The following DUSP18 variants were observed in gnomAD, a reference collection of about 807,000 sequenced individuals.
DUSP18 encodes the protein dual specificity protein phosphatase 18.
DUSP18 carries 4 observed loss-of-function variants against 6.3 expected under a neutral mutation model. The observed-to-expected ratio is 0.63, with a 90% confidence interval of 0.31 to 1.45. The LOEUF (loss-of-function observed/expected upper bound fraction) is 1.45. Ranked by LOEUF, DUSP18 falls within the 40% of genes most tolerant of loss-of-function variation. The pLI is 0.07. For missense variants in DUSP18, 235 were observed against 247.7 expected, an observed-to-expected ratio of 0.95 and a Z score of 0.34; for synonymous variants, 96 against 95.1, an observed-to-expected ratio of 1.01 and a Z score of -0.05.
At position 30,663,602 on chromosome 22, in the gene DUSP18, GGTCCACGT is replaced by G; in HGVS notation, c.394_401del (p.Thr132GlnfsTer21). On this transcript the variant is annotated frameshift_variant, in exon 2 of 2. Transcript: ENST00000334679. LOFTEE classifies it high-confidence loss of function. ...GTCGGATGATGGGCCGGCATGACTT[GGTCCACGT>G]GTGGGCGTCCAGCAGGGACATGGCG... 1.9e-6 allele frequency: 3 copies of G among 1,614,230 alleles called. No individual in the cohort carries two copies. Among genetic ancestry groups the G allele is most frequent in the Non-Finnish European group, 2.5e-6 (3 of 1,180,056 alleles).
At chr22:30,653,570 A>G (rs2088269581) in intron 2 of DUSP18, among the ~76,000 whole-genome samples, 1 of 151,802 alleles carries the variant, frequency 6.6e-6, no homozygotes, top group Non-Finnish European at 1.5e-5. Context: ...ACTGGGTTTC[A>G]CCATGTTGGC....
chr22:30,667,259 C>CT (rs1444766696), intron 1 of DUSP18: 1 of 152,200 alleles, frequency 6.6e-6, no homozygotes, highest in Non-Finnish European at 1.5e-5. Context: ...AGAAGCCGAC[C>CT]TTTATGGTCC....
chr22:30,663,438 C>G lies in DUSP18; in HGVS notation c.566G>C (p.Ter189SerextTer17), dbSNP rs749801940. The G allele has an allele frequency of 5.0e-6, 8 of 1,606,092 alleles. No individual in the cohort carries two copies. The highest frequency in any genetic ancestry group is 6.8e-6 in the Non-Finnish European group (8 of 1,173,812). ...CAATGCAGGGGCTCGTGGGATGGCT[C>G]ACAGTGGAATCATCAAACGGACTTC... ...EKEVRLMIPL* is the reference protein window; with the variant it reads ...EKEVRLMIPLS Residue 189 changes from the stop codon to serine (S), a stop_lost, in exon 2 of 2, where the codon TGA (stop) becomes TCA (serine). Transcript: ENST00000334679.
chr22:30,667,147 A>G (rs958082213), intron 1 of DUSP18: 3 of 152,218 alleles, frequency 2.0e-5, no homozygotes, highest in African/African-American at 7.2e-5. Flanking sequence ...CTTCAAAGCA[A>G]CCTAATCAGA....
At position 30,663,835 on chromosome 22, in the gene DUSP18, C is replaced by T. The variant is rs763220176; in HGVS notation, c.169G>A (p.Val57Met). Reference sequence around the variant, plus strand: ...TGGATATCCTCATACAAGGTGTTCACTACCTCCACTGAGACATTGATGACC... The same window carrying T: ...TGGATATCCTCATACAAGGTGTTCATTACCTCCACTGAGACATTGATGACC... ...TMVINVSVEVVNTLYEDIQYM... is the reference protein window; with the variant it reads ...TMVINVSVEVMNTLYEDIQYM... Residue 57 changes from valine (V) to methionine (M), a missense_variant, in exon 2 of 2, where the codon GTG (valine) becomes ATG (methionine). Val to Met is a conservative substitution (Grantham distance 21). Transcript: ENST00000334679. 6.2e-7 allele frequency: 1 copy of T among 1,614,232 alleles called. No homozygotes were observed. The highest frequency in any genetic ancestry group is 8.5e-7 in the Non-Finnish European group (1 of 1,180,048).
intron 1 of DUSP18, 57 bp from the exon 2 acceptor site, chr22:30,664,137 G>A: frequency 1.3e-6 from 1 of 778,702 alleles, no homozygotes; most frequent in African/African-American, 1.7e-5. Context: ...AATTCCAGGG[G>A]ATCCCTGGGA....
Position 30,664,380 on chromosome 22 carries a change from C to T in DUSP18, c.-77-300G>A, listed in dbSNP as rs75949578. On this transcript the variant is annotated intron_variant, in intron 1 of 1. Transcript: ENST00000334679. Reference sequence around the variant, plus strand: ...CCCAAGTCTGGCACTTGAGGCCTCCCTTGAGGGGTCCCACAGCTCTAGTTG... The same window carrying T: ...CCCAAGTCTGGCACTTGAGGCCTCCTTTGAGGGGTCCCACAGCTCTAGTTG... Among the ~76,000 whole-genome samples the T allele has an allele frequency of 4.0e-3, 606 of 152,324 alleles. 4 individuals carry two copies. The highest frequency in any genetic ancestry group is 0.014 in the African/African-American group (586 of 41,574).
chr22:30,658,402 G>A (rs2088390180), downstream of DUSP18, among the ~76,000 whole-genome samples: 1 of 151,442 alleles, frequency 6.6e-6, no homozygotes, highest in Admixed American at 6.6e-5. Context: ...TTTTTTTGGG[G>A]GTAGCAGCAG....
chr22:30,657,622 A>T (rs1157402411), downstream of DUSP18, among the ~76,000 whole-genome samples: 1 of 151,630 alleles, frequency 6.6e-6, no homozygotes, highest in Non-Finnish European at 1.5e-5. Context: ...TTTAAAAAAT[A>T]GGCCAGGCGC....
At chr22:30,659,185 A>G (rs988879089), downstream of DUSP18, among the ~76,000 whole-genome samples, 1 of 151,720 alleles carries the variant, frequency 6.6e-6, no homozygotes, top group African/African-American at 2.4e-5. Flanking sequence ...AATAGCCCAC[A>G]GGAGACAGAT....
chr22:30,661,082 C>T (rs2088451210), downstream of DUSP18, among the ~76,000 whole-genome samples: 1 of 152,192 alleles, frequency 6.6e-6, no homozygotes, highest in Non-Finnish European at 1.5e-5. Flanking sequence ...CTCAAGTGAT[C>T]TGGCCACCTC....
intron 1 of DUSP18, chr22:30,665,448 T>C (rs1169956230): frequency 1.3e-5 from 6 of 460,796 alleles, no homozygotes; most frequent in African/African-American, 1.0e-4. Flanking sequence ...CCAGTGGCCT[T>C]TGCCCCTGCT....
At chr22:30,653,857 G>A (rs1486230855) in intron 2 of DUSP18, 1 of 154,046 alleles carries the variant, frequency 6.5e-6, no homozygotes, top group Non-Finnish European at 1.5e-5. Flanking sequence ...TTATTGAGGA[G>A]TAAACAGTCT....
chr22:30,653,615 C>T (rs981026987), intron 2 of DUSP18, among the ~76,000 whole-genome samples: 5 of 150,530 alleles, frequency 3.3e-5, no homozygotes, highest in East Asian at 2.1e-4. Flanking sequence ...TCAAGTGACC[C>T]GCCCCCCCTC....
chr22:30,659,786 C>G (rs1186222336), downstream of DUSP18, among the ~76,000 whole-genome samples: 1 of 152,136 alleles, frequency 6.6e-6, no homozygotes, highest in African/African-American at 2.4e-5. Context: ...GCAGATGTAA[C>G]TGATTTTATT....
intron 1 of DUSP18, 150 bp from the exon 2 acceptor site, chr22:30,664,230 A>C: frequency 1.8e-6 from 1 of 561,578 alleles, no homozygotes; most frequent in East Asian, 2.9e-5. Flanking sequence ...CATTTAAAGT[A>C]CAGATACCCA....
intron 1 of DUSP18, among the ~76,000 whole-genome samples, chr22:30,665,289 G>C (rs2088608348): frequency 6.6e-6 from 1 of 152,354 alleles, no homozygotes; most frequent in Admixed American, 6.5e-5. Flanking sequence ...GTGAGGATAA[G>C]ATGGAGCCAC....
At chr22:30,658,232 G>A (rs2145598895), downstream of DUSP18, among the ~76,000 whole-genome samples, 1 of 151,772 alleles carries the variant, frequency 6.6e-6, no homozygotes, top group South Asian at 2.1e-4. Context: ...TGGATCTGAG[G>A]ACTCTGAAAA....
chr22:30,655,553 G>C (rs1274937836), intron 2 of DUSP18, among the ~76,000 whole-genome samples: 2 of 151,396 alleles, frequency 1.3e-5, no homozygotes, highest in East Asian at 1.9e-4. Flanking sequence ...GTTTTGCCAA[G>C]GGCACGTCTA....
Sources: allele counts gnomAD v4.1 joint callset (sites outside exome capture counted in the v4.1 genomes callset), GRCh38; gene constraint gnomAD v4.1.1; transcripts MANE v1.5; gene names NCBI Gene and HGNC (gene_info 2026-07-23, HGNC 2026-07-21).